The following PPFIBP1 variants were observed in gnomAD, a reference collection of about 807,000 sequenced individuals.
PPFIBP1 encodes PPFIB scaffold protein 1.
PPFIBP1 carries 112 observed loss-of-function variants against 137.8 expected under a neutral mutation model. The observed-to-expected ratio is 0.81, with a 90% CI of 0.70 to 0.95. PPFIBP1 has a LOEUF of 0.95. PPFIBP1 is among the 40% of genes least tolerant of loss of function. PPFIBP1 has a pLI of 0.00. For missense variants in PPFIBP1, 1,083 were observed against 1,196.6 expected, an observed-to-expected ratio of 0.91 and a Z score of 1.40; for synonymous variants, 378 against 417.3, an observed-to-expected ratio of 0.91 and a Z score of 1.15.
At chr12:27,685,530 T>C (rs1422574814) in intron 24 of PPFIBP1, among the ~76,000 whole-genome samples, 1 of 152,102 alleles carries the variant, frequency 6.6e-6, no homozygotes, top group African/African-American at 2.4e-5. Context: ...TGTGAGTATG[T>C]TCCCCCTGAG....
chr12:27,574,955 A>G (rs1022249355), intron 1 of PPFIBP1, among the ~76,000 whole-genome samples: 2 of 152,236 alleles, frequency 1.3e-5, no homozygotes, highest in Non-Finnish European at 2.9e-5. Context: ...CGAATATCAC[A>G]ATTAGTGTAT....
At chr12:27,612,516 G>C (rs2055246951) in intron 2 of PPFIBP1, among the ~76,000 whole-genome samples, 3 of 151,746 alleles carry the variant, frequency 2.0e-5, no homozygotes, top group African/African-American at 4.8e-5. Context: ...CCAGCTAACT[G>C]TTTGTTTGTT....
intron 27 of PPFIBP1, among the ~76,000 whole-genome samples, chr12:27,689,645 C>G (rs2061407576): frequency 6.6e-6 from 1 of 152,136 alleles, no homozygotes; most frequent in Admixed American, 6.5e-5. Flanking sequence ...TAAGTCTCTG[C>G]CTTTTTTATC....
intron 1 of PPFIBP1, among the ~76,000 whole-genome samples, chr12:27,551,997 T>A (rs1019175260): frequency 6.6e-6 from 1 of 152,162 alleles, no homozygotes; most frequent in Non-Finnish European, 1.5e-5. Flanking sequence ...TTCAAGAACA[T>A]CTGACCCCTA....
intron 24 of PPFIBP1, among the ~76,000 whole-genome samples, chr12:27,683,095 G>A (rs776935356): frequency 1.4e-4 from 22 of 152,000 alleles, no homozygotes; most frequent in Non-Finnish European, 7.4e-5. Flanking sequence ...ATGGAGTCTC[G>A]CTCTGTCACC....
chr12:27,622,242 A>G (rs2056407710), intron 2 of PPFIBP1, among the ~76,000 whole-genome samples: 1 of 151,438 alleles, frequency 6.6e-6, no homozygotes, highest in Non-Finnish European at 1.5e-5. Context: ...GATGTAACCT[A>G]CTCCCAAGAC....
intron 1 of PPFIBP1, among the ~76,000 whole-genome samples, chr12:27,535,439 G>A (rs1010617622): frequency 6.6e-6 from 1 of 152,042 alleles, no homozygotes; most frequent in Non-Finnish European, 1.5e-5. Flanking sequence ...TTTGAGACAG[G>A]ATCTCACTCT....
intron 18 of PPFIBP1, chr12:27,676,858 C>A: frequency 1.3e-6 from 1 of 758,374 alleles, no homozygotes; most frequent in Non-Finnish European, 2.3e-6. Context: ...TTGACTTCAT[C>A]ATGGAGTTTC....
rs143859582 is a variant in PPFIBP1, at chr12:27,676,556, T to A, written c.1539T>A (p.Phe513Leu). 6 of 1,605,196 alleles carry A rather than the reference T, an allele frequency of 3.7e-6. No individual in the cohort carries two copies. In the African/African-American group the frequency reaches 8.1e-5, roughly 22 times the overall value. Residue 513 changes from phenylalanine to leucine, a missense_variant, in exon 18 of 30, where the codon TTT (phenylalanine) becomes TTA (leucine). Transcript: ENST00000228425. ...KVRSSFGRGF[F>L]KIKSNKRTAS... Reference sequence around the variant, plus strand: ...GATCTTCCTTTGGCCGGGGCTTTTTTAAAATCAAAAGTAACAAGAGAACAG... The same window carrying A: ...GATCTTCCTTTGGCCGGGGCTTTTTAAAAATCAAAAGTAACAAGAGAACAG...
intron 2 of PPFIBP1, among the ~76,000 whole-genome samples, chr12:27,632,778 G>T (rs1412544717): frequency 1.3e-5 from 2 of 152,144 alleles, no homozygotes; most frequent in African/African-American, 4.8e-5. Flanking sequence ...TTATGTAAAT[G>T]TGTAGGAAAC....
chr12:27,593,758 C>G (rs1330914837), intron 2 of PPFIBP1: 8 of 721,504 alleles, frequency 1.1e-5, no homozygotes, highest in Non-Finnish European at 1.8e-5. Context: ...GAGCCAACGT[C>G]CATGTCCCAG....
chr12:27,546,019 A>G (rs1335347628), intron 1 of PPFIBP1, among the ~76,000 whole-genome samples: 1 of 152,200 alleles, frequency 6.6e-6, no homozygotes, highest in Non-Finnish European at 1.5e-5. Context: ...AGAGAGAGCA[A>G]CCTTTGACGG....
chr12:27,651,609 A>G (rs2058880263), intron 7 of PPFIBP1, among the ~76,000 whole-genome samples: 1 of 152,190 alleles, frequency 6.6e-6, no homozygotes, highest in African/African-American at 2.4e-5. Context: ...AGGGTAAAGT[A>G]ATAGTAAAAC....
At chr12:27,563,046 G>A (rs567416883) in intron 1 of PPFIBP1, among the ~76,000 whole-genome samples, 1 of 151,534 alleles carries the variant, frequency 6.6e-6, no homozygotes, top group Non-Finnish European at 1.5e-5. Context: ...AAGGAACTTT[G>A]CAGATGGAAT....
intron 2 of PPFIBP1, among the ~76,000 whole-genome samples, chr12:27,620,554 T>C (rs1328459458): frequency 2.0e-5 from 3 of 152,226 alleles, no homozygotes; most frequent in East Asian, 3.8e-4. Flanking sequence ...AACTTTTAAG[T>C]GCCTGCCATT....
At chr12:27,577,115 G>C (rs912451952) in intron 1 of PPFIBP1, among the ~76,000 whole-genome samples, 2 of 151,976 alleles carry the variant, frequency 1.3e-5, no homozygotes, top group Non-Finnish European at 2.9e-5. Context: ...GGGGTGTTGA[G>C]AAATTCCACG....
intron 2 of PPFIBP1, among the ~76,000 whole-genome samples, chr12:27,601,686 T>C (rs2054010265): frequency 1.8e-5 from 1 of 55,348 alleles, no homozygotes; most frequent in Admixed American, 1.3e-4. Flanking sequence ...CTCAGCTGAG[T>C]TGTTTATGCA....
intron 1 of PPFIBP1, among the ~76,000 whole-genome samples, chr12:27,540,243 ACT>A (rs1003332157): frequency 1.3e-5 from 2 of 148,354 alleles, no homozygotes; most frequent in East Asian, 2.0e-4. Flanking sequence ...TTTTGTAGAG[ACT>A]CTGTCTCAAA....
Position 27,667,211 on chromosome 12 carries a change from C to A in PPFIBP1, c.1037C>A (p.Ser346Tyr), listed in dbSNP as rs1375832857. 4 of 1,612,948 alleles carry A rather than the reference C, an allele frequency of 2.5e-6. No homozygotes were observed. Among genetic ancestry groups the A allele is most frequent in the Non-Finnish European group, 3.4e-6 (4 of 1,179,544 alleles). ...GAGCTGCTCAATTCCAGTTCCATCTCCTCTTTGCTGGATGCACAGGGTTTC... is the reference window on the plus strand; with the variant it reads ...GAGCTGCTCAATTCCAGTTCCATCTACTCTTTGCTGGATGCACAGGGTTTC... ...YEELLNSSSI[S>Y]SLLDAQGFSD... is the part of the protein sequence containing the mutation. Residue 346 changes from serine (S) to tyrosine (Y), a missense_variant, in exon 13 of 30, where the codon TCC (serine) becomes TAC (tyrosine). Coordinates refer to ENST00000228425, the MANE Select transcript of PPFIBP1 (RefSeq NM_003622.4).
Sources: allele counts gnomAD v4.1 joint callset (sites outside exome capture counted in the v4.1 genomes callset), GRCh38; gene constraint gnomAD v4.1.1; transcripts MANE v1.5; gene names NCBI Gene and HGNC (gene_info 2026-07-23, HGNC 2026-07-21).